Variants in TRAIP observed in about 807,000 individuals in gnomAD.
TRAIP encodes the protein E3 ubiquitin-protein ligase TRAIP.
TRAIP carries 37 observed loss-of-function variants against 65.0 expected under a neutral mutation model. That is an observed-to-expected ratio of 0.57 (90% CI 0.44 to 0.75). TRAIP has a LOEUF of 0.75. Ranked by LOEUF, TRAIP falls within the 30% of genes least tolerant of loss-of-function variation. The pLI is 0.00. For missense variants in TRAIP, 481 were observed against 579.4 expected, an observed-to-expected ratio of 0.83 and a Z score of 1.74; for synonymous variants, 187 against 219.1, an observed-to-expected ratio of 0.85 and a Z score of 1.29.
At chr3:49,838,352 C>T (rs1333210012) in intron 10 of TRAIP, among the ~76,000 whole-genome samples, 1 of 152,178 alleles carries the variant, frequency 6.6e-6, no homozygotes, top group African/African-American at 2.4e-5. Flanking sequence ...GGCTGCAGGC[C>T]CTGGCATGAA....
intron 10 of TRAIP, among the ~76,000 whole-genome samples, chr3:49,833,931 G>A (rs1409273750): frequency 6.6e-6 from 1 of 152,132 alleles, no homozygotes; most frequent in Admixed American, 6.6e-5. Context: ...CACTGGTTGA[G>A]GCTGGCTTGA....
At chr3:49,840,232 G>A (rs892991270) in intron 9 of TRAIP, 52 bp downstream of exon 9, 5 of 1,511,988 alleles carry the variant, frequency 3.3e-6, no homozygotes. Flanking sequence ...CCCTGCTCTG[G>A]GAGGGCACAC....
chr3:49,841,115 G>T (rs760611835), intron 7 of TRAIP, 43 bp from the exon 8 acceptor site: 1 of 1,547,634 alleles, frequency 6.5e-7, no homozygotes. Flanking sequence ...AAGAACACCT[G>T]CAGGTCAGAC....
intron 5 of TRAIP, 21 bp downstream of exon 5, chr3:49,843,780 C>G: frequency 6.2e-7 from 1 of 1,606,636 alleles, no homozygotes; most frequent in Non-Finnish European, 8.5e-7. Flanking sequence ...AATTCTGTAC[C>G]CATAAAACCT....
chr3:49,839,941 G>A, intron 9 of TRAIP, 81 bp from the exon 10 acceptor site: 1 of 1,398,136 alleles, frequency 7.2e-7, no homozygotes, highest in Non-Finnish European at 1.0e-6. Flanking sequence ...TGAGCAGCAT[G>A]CATGAAAGGC....
chr3:49,829,097 C>A lies in TRAIP; in HGVS notation c.*6G>T, dbSNP rs754838381. 1 of 1,614,212 alleles carries A rather than the reference C, an allele frequency of 6.2e-7. No individual in the cohort carries two copies. Among genetic ancestry groups the A allele is most frequent in the East Asian group, 2.2e-5 (1 of 44,888 alleles). ...TGTGTCTGGCCATTGGTCAGACTCA[C>A]TGTTCTCACGACCACAGGAAGGTGT... On this transcript the variant is annotated 3_prime_UTR_variant, in exon 15 of 15. Coordinates refer to ENST00000331456, the MANE Select transcript of TRAIP (RefSeq NM_005879.3).
At chr3:49,845,538 C>G (rs2081874791) in intron 3 of TRAIP, among the ~76,000 whole-genome samples, 1 of 152,214 alleles carries the variant, frequency 6.6e-6, no homozygotes, top group Admixed American at 6.5e-5. Flanking sequence ...ACTCTGGGGG[C>G]AAGAGCTTCT....
chr3:49,829,508 C>T lies in TRAIP; in HGVS notation c.1237G>A (p.Val413Ile). 2 of 1,614,126 alleles carry T rather than the reference C, an allele frequency of 1.2e-6. No homozygotes were observed. Among genetic ancestry groups the T allele is most frequent in the Admixed American group, 1.7e-5 (1 of 60,016 alleles). The change falls in exon 14 of 15, where the codon GTA becomes ATA. Residue 413 changes from valine to isoleucine, a missense_variant and splice_region_variant. Transcript: ENST00000331456. ...CCGAGCCCATCGAAGCCTGTCCTTA[C>T]CTAGGGTGGAAGGAAGAGATGAGTG... The part of the protein sequence containing the change: ...RSESSCSKDV[V>I]RTGFDGLGGR...
At position 49,851,469 on chromosome 3, in the gene TRAIP, G is replaced by C. The variant is rs572211140; in HGVS notation, c.99-3269C>G. On this transcript the variant is annotated intron_variant, in intron 1 of 14. Transcript: ENST00000331456. ...AGCAGCACAATCATGAGTCACTGCA[G>C]CCTCAACCTCCCAGGCTCAAGCGAT... Among the ~76,000 whole-genome samples the C allele has an allele frequency of 9.2e-5, 14 of 152,232 alleles. No individual in the cohort carries two copies. In the South Asian group the frequency reaches 2.9e-3, roughly 32 times the overall value.
At chr3:49,839,398 G>A (rs1378912713) in intron 10 of TRAIP, among the ~76,000 whole-genome samples, 1 of 152,050 alleles carries the variant, frequency 6.6e-6, no homozygotes, top group Non-Finnish European at 1.5e-5. Context: ...TCCCTCTGCT[G>A]GCAGCTTTAA....
chr3:49,844,288 C>T (rs1027214371), intron 4 of TRAIP, among the ~76,000 whole-genome samples: 1 of 152,174 alleles, frequency 6.6e-6, no homozygotes, highest in African/African-American at 2.4e-5. Context: ...CAGGTAACCC[C>T]CTCCCATCTT....
chr3:49,853,560 G>C (rs2081950900), intron 1 of TRAIP, among the ~76,000 whole-genome samples: 1 of 152,118 alleles, frequency 6.6e-6, no homozygotes, highest in Non-Finnish European at 1.5e-5. Context: ...AATTAGACAA[G>C]ATAGGCCAGG....
intron 5 of TRAIP, 44 bp from the exon 6 acceptor site, chr3:49,842,591 G>T (rs2081849019): frequency 1.3e-6 from 2 of 1,576,246 alleles, no homozygotes. Flanking sequence ...GAGGCCCTCA[G>T]GAGCCATTGC....
intron 6 of TRAIP, 129 bp downstream of exon 6, chr3:49,842,324 C>T (rs1456306137): frequency 1.2e-6 from 1 of 852,494 alleles, no homozygotes; most frequent in Non-Finnish European, 1.9e-6. Flanking sequence ...TGACCTGAGC[C>T]CTCCATGGCC....
Position 49,829,457 on chromosome 3 carries a change from C to A in TRAIP, c.1287+1G>T. 1 of 1,614,144 alleles carries A rather than the reference C, an allele frequency of 6.2e-7. No homozygotes were observed. Among genetic ancestry groups the A allele is most frequent in the Non-Finnish European group, 8.5e-7 (1 of 1,180,036 alleles). On this transcript the variant is annotated splice_donor_variant, in intron 14 of 14. Coordinates refer to ENST00000331456, the MANE Select transcript of TRAIP (RefSeq NM_005879.3). LOFTEE classifies it high-confidence loss of function. ...AGCTCAACATCACAGGAAAAGGATA[C>A]AGGCTGGATGAATTTTGTCCGGCCA...
rs775227550 is a variant in TRAIP at position 49,847,644 on chromosome 3, A to G, written c.157-36T>C. 3 of 1,497,304 alleles carry G rather than the reference A, an allele frequency of 2.0e-6. No individual in the cohort carries two copies. The African/African-American group carries it at 4.2e-5, about 21-fold the overall frequency. The allele number at this position is 1,497,304 out of a possible 1,614,324, so 92.8% of individuals were successfully genotyped here. A position where few individuals can be genotyped will look rare whatever the true frequency, so the allele number is the denominator to read the frequency against. On this transcript the variant is annotated intron_variant, in intron 2 of 14. Coordinates refer to ENST00000331456, the MANE Select transcript of TRAIP (RefSeq NM_005879.3). ...GAACAAGGTAAGAGTATGATTGTGT[A>G]GCTGGGTCATGCGCAAGGAGGAGAG...
At position 49,847,579 on chromosome 3, in the gene TRAIP, G is replaced by C. The variant is rs200911597; in HGVS notation, c.186C>G (p.Leu62=). The change falls in exon 3 of 15, where the codon CTC becomes CTG. Residue 62 remains leucine, a synonymous_variant. Coordinates refer to ENST00000331456, the MANE Select transcript of TRAIP (RefSeq NM_005879.3). ...CCTCCTCCTGGGCAAGATCAAAGAA[G>C]AGCTTATTGATAATGGTTCTTTTGC... ...QVGKRTIINK[L]FFDLAQEEEN... 2 of 1,611,048 alleles carry C rather than the reference G, an allele frequency of 1.2e-6. No homozygotes were observed. The highest frequency in any genetic ancestry group is 2.2e-5 in the East Asian group (1 of 44,824).
In TRAIP at chr3:49,843,783, T is replaced by C. The variant is rs779639081; in HGVS notation, c.408+18A>G. On this transcript the variant is annotated intron_variant, in intron 5 of 14. Coordinates refer to ENST00000331456, the MANE Select transcript of TRAIP (RefSeq NM_005879.3). ...TACCTCCCTATGAATTCTGTACCCA[T>C]AAAACCTGAGGACCTACTTTCAGTG... The C allele has an allele frequency of 2.5e-6, 4 of 1,608,836 alleles. No homozygotes were observed. The highest frequency in any genetic ancestry group is 2.7e-5 in the African/African-American group (2 of 74,842).
chr3:49,843,750 T>A (rs1412808294), intron 5 of TRAIP, 51 bp downstream of exon 5: 6 of 1,587,850 alleles, frequency 3.8e-6, no homozygotes, highest in African/African-American at 1.3e-5. Context: ...AGTCCAGTTC[T>A]GGGGCAATAC....
Sources: gnomAD v4.1 joint callset for allele counts (sites outside exome capture counted in the v4.1 genomes callset) on GRCh38, gnomAD v4.1.1 for gene constraint, MANE v1.5 for transcripts, NCBI Gene and HGNC (gene_info 2026-07-23, HGNC 2026-07-21) for gene names.